MARCHF1: variants seen among roughly 807,000 people sequenced by gnomAD.
MARCHF1 encodes E3 ubiquitin-protein ligase MARCHF1.
A neutral mutation model predicts 54.2 loss-of-function variants in MARCHF1; 40 were observed. The observed-to-expected ratio is 0.74, with a 90% CI of 0.57 to 0.96. The LOEUF is 0.96. Ranked by LOEUF, MARCHF1 falls within the 40% of genes least tolerant of loss-of-function variation. The pLI, the probability that MARCHF1 is intolerant of heterozygous loss-of-function variation, is 0.00. For missense variants in MARCHF1, 586 were observed against 656.5 expected (o/e 0.89, Z 1.17); for synonymous variants, 236 against 236.3 (o/e 1.00, Z 0.01).
chr4:163,631,941 A>T (rs1293706309), intron 5 of MARCHF1, among the ~76,000 whole-genome samples: 2 of 152,238 alleles, frequency 1.3e-5, no homozygotes, highest in Non-Finnish European at 2.9e-5. Flanking sequence ...TTGTATAGAC[A>T]TTTCTTGAGA....
intron 2 of MARCHF1, among the ~76,000 whole-genome samples, chr4:164,069,383 ACT>A (rs1322824987): frequency 6.6e-6 from 1 of 151,964 alleles, no homozygotes; most frequent in African/African-American, 2.4e-5. Flanking sequence ...TTGTTCTTTC[ACT>A]CTTTGCAATA....
At chr4:164,176,951 T>TCTCTCTCTCTCTCTCTCTCTCTCTCG (rs1730682267) in intron 1 of MARCHF1, among the ~76,000 whole-genome samples, 1 of 37,074 alleles carries the variant, frequency 2.7e-5, no homozygotes, top group African/African-American at 1.4e-4. Context: ...GCTCTCTCTC[T>TCTCTCTCTCTCTCTCTCTCTCTCTCG]CTCTCTCTCT....
chr4:163,957,699 G>A (rs542812203), intron 3 of MARCHF1, among the ~76,000 whole-genome samples: 1 of 151,730 alleles, frequency 6.6e-6, no homozygotes, highest in Non-Finnish European at 1.5e-5. Context: ...AATTTCTCAC[G>A]CCAAAAAAAT....
intron 2 of MARCHF1, among the ~76,000 whole-genome samples, chr4:164,056,832 C>G (rs954575085): frequency 6.6e-6 from 1 of 152,114 alleles, no homozygotes; most frequent in African/African-American, 2.4e-5. Flanking sequence ...GGGCTTGGAG[C>G]TGTGGATCAC....
At position 164,062,405 on chromosome 4, in the gene MARCHF1, G is replaced by A. The variant is rs181797611; in HGVS notation, c.-248+49183C>T. 8.6e-5 allele frequency among the ~76,000 whole-genome samples: 13 copies of A among 151,716 alleles called. No homozygotes were observed. In the East Asian group the frequency reaches 1.7e-3, roughly 20 times the overall value. On this transcript the variant is annotated intron_variant, in intron 2 of 9. Transcript: ENST00000514618. ...CCTTTATGAGTTACTAATGTTCTTC[G>A]TGGCATCTAGAATGGTGACTGCTTT...
chr4:164,254,679 A>G (rs1247173556), intron 1 of MARCHF1, among the ~76,000 whole-genome samples: 3 of 150,580 alleles, frequency 2.0e-5, no homozygotes. Flanking sequence ...CAAAACTGAA[A>G]AATTTGGAGT....
At chr4:163,602,798 T>C (rs371365840) in intron 7 of MARCHF1, among the ~76,000 whole-genome samples, 23 of 152,026 alleles carry the variant, frequency 1.5e-4, no homozygotes, top group Non-Finnish European at 1.6e-4. Flanking sequence ...AGAATGTCAG[T>C]CTCATTTTTG....
At chr4:164,086,590 CAGATTGGTAGGACCACATATCCA>C (rs1755196644) in intron 2 of MARCHF1, among the ~76,000 whole-genome samples, 1 of 151,918 alleles carries the variant, frequency 6.6e-6, no homozygotes. Flanking sequence ...CTCAAATGTT[CAGATTGGTAGGACCACATATCCA>C]AAATTGGTAG....
intron 1 of MARCHF1, chr4:164,188,913 C>T (rs1412615914): frequency 2.6e-6 from 2 of 769,322 alleles, no homozygotes; most frequent in Non-Finnish European, 4.8e-6. Flanking sequence ...TTCAATGATG[C>T]CCAATGCGAA....
Position 164,209,982 on chromosome 4 carries a change from A to C in MARCHF1, c.-322-98320T>G, listed in dbSNP as rs1045764705. Among the ~76,000 whole-genome samples the C allele has an allele frequency of 2.0e-5, 3 of 152,214 alleles. No homozygotes were observed. The East Asian group carries it at 5.8e-4, about 29-fold the overall frequency. ...TGGCTAATGAGTTATTTGAATAAACATCTTGGCTAGGCAGTTACATATAAT... is the reference window on the plus strand; with the variant it reads ...TGGCTAATGAGTTATTTGAATAAACCTCTTGGCTAGGCAGTTACATATAAT... On this transcript the variant is annotated intron_variant, in intron 1 of 9. Transcript: ENST00000514618.
chr4:164,147,172 A>G (rs1469342226), intron 1 of MARCHF1, among the ~76,000 whole-genome samples: 1 of 151,852 alleles, frequency 6.6e-6, no homozygotes, highest in African/African-American at 2.4e-5. Flanking sequence ...GTCAGGAAAC[A>G]ACAGGTGCTG....
chr4:163,849,223 A>G (rs1211635737), intron 4 of MARCHF1, among the ~76,000 whole-genome samples: 1 of 152,154 alleles, frequency 6.6e-6, no homozygotes, highest in Non-Finnish European at 1.5e-5. Flanking sequence ...AGGTTTTTAA[A>G]TTTCTCTATA....
intron 4 of MARCHF1, among the ~76,000 whole-genome samples, chr4:163,786,263 T>G (rs899677678): frequency 3.3e-5 from 5 of 152,044 alleles, no homozygotes; most frequent in Non-Finnish European, 5.9e-5. Context: ...TTTTTTAATT[T>G]TGACATTTTG....
chr4:163,707,080 T>C (rs905883861), intron 4 of MARCHF1, among the ~76,000 whole-genome samples: 3 of 152,082 alleles, frequency 2.0e-5, no homozygotes, highest in South Asian at 4.1e-4. Flanking sequence ...ACTTAGCATA[T>C]ATAATCATGG....
intron 4 of MARCHF1, among the ~76,000 whole-genome samples, chr4:163,822,563 T>G (rs1220785094): frequency 2.0e-5 from 3 of 151,918 alleles, no homozygotes; most frequent in Admixed American, 1.3e-4. Flanking sequence ...CATTTGATTC[T>G]GTACTGCACG....
rs578146954 is a variant in MARCHF1, at chr4:164,033,116, G to A, written c.-247-44407C>T. Among the ~76,000 whole-genome samples the A allele has an allele frequency of 2.9e-3, 441 of 151,562 alleles. 1 individual carries two copies. The highest frequency in any genetic ancestry group is 4.8e-3 in the Non-Finnish European group (328 of 67,916). ...TTGAACCCGGGAGGCAGAGTTTGCA[G>A]TGAGCCAAGATTGTGCCACTGCACT... On this transcript the variant is annotated intron_variant, in intron 2 of 9. Transcript: ENST00000514618.
chr4:164,042,825 A>C (rs561286698), intron 2 of MARCHF1, among the ~76,000 whole-genome samples: 1 of 152,338 alleles, frequency 6.6e-6, no homozygotes, highest in East Asian at 1.9e-4. Context: ...GCATTGGGTA[A>C]ATACTGCCAT....
intron 7 of MARCHF1, among the ~76,000 whole-genome samples, chr4:163,594,876 T>C (rs1444408664): frequency 2.0e-5 from 3 of 152,116 alleles, no homozygotes; most frequent in Admixed American, 6.5e-5. Context: ...GCAGCTGCTA[T>C]GGAAAACAGT....
At chr4:163,955,532 G>C (rs1055263160) in intron 3 of MARCHF1, among the ~76,000 whole-genome samples, 6 of 152,036 alleles carry the variant, frequency 3.9e-5, no homozygotes, top group African/African-American at 1.2e-4. Flanking sequence ...GTCTGTGACT[G>C]TGCTGTGCTT....
Sources: allele counts gnomAD v4.1 joint callset (sites outside exome capture counted in the v4.1 genomes callset), GRCh38; gene constraint gnomAD v4.1.1; transcripts MANE v1.5; gene names NCBI Gene and HGNC (gene_info 2026-07-23, HGNC 2026-07-21).